Variants in OPCML observed in about 807,000 individuals in gnomAD.
The protein encoded by OPCML is opioid-binding protein/cell adhesion molecule.
OPCML carries 13 observed loss-of-function variants against 37.8 expected under a neutral mutation model. The ratio of observed to expected loss-of-function variants is 0.34; its 90% confidence interval spans 0.22 to 0.55. OPCML has a LOEUF of 0.55. Among genes scored for constraint, OPCML ranks in the 20% least tolerant of loss-of-function variants. OPCML has a pLI of 0.91. For synonymous variants in OPCML, 176 were observed against 168.8 expected (o/e 1.04, Z -0.33); for missense variants, 341 against 435.6 (o/e 0.78, Z 1.93).
At chr11:133,164,859 A>G (rs1403057266) in intron 1 of OPCML, among the ~76,000 whole-genome samples, 1 of 152,142 alleles carries the variant, frequency 6.6e-6, no homozygotes, top group Non-Finnish European at 1.5e-5. Context: ...TTCCAAACCA[A>G]ACTGCATCCT....
intron 3 of OPCML, among the ~76,000 whole-genome samples, chr11:132,589,073 T>C (rs1325485132): frequency 5.9e-5 from 9 of 152,206 alleles, no homozygotes; most frequent in South Asian, 2.1e-4. Context: ...ATAATGTCTA[T>C]GGATCCTTGA....
chr11:133,184,048 G>C (rs781087349), intron 1 of OPCML, among the ~76,000 whole-genome samples: 5 of 152,192 alleles, frequency 3.3e-5, no homozygotes, highest in Non-Finnish European at 7.3e-5. Context: ...ATCTGAGCTT[G>C]ACATTGAAGG....
At chr11:133,526,776 C>T (rs542362040) in intron 1 of OPCML, among the ~76,000 whole-genome samples, 8 of 152,184 alleles carry the variant, frequency 5.3e-5, no homozygotes, top group African/African-American at 1.4e-4. Flanking sequence ...CTGGGTCTCC[C>T]ACCAACAGCA....
intron 2 of OPCML, among the ~76,000 whole-genome samples, chr11:132,871,356 A>G (rs917792130): frequency 3.3e-5 from 5 of 152,240 alleles, no homozygotes; most frequent in African/African-American, 1.2e-4. Context: ...ATAAATATGT[A>G]CAAATACTAT....
At chr11:133,320,229 G>A (rs565651440) in intron 1 of OPCML, among the ~76,000 whole-genome samples, 6 of 152,268 alleles carry the variant, frequency 3.9e-5, no homozygotes, top group East Asian at 1.9e-4. Flanking sequence ...TGAATGAATA[G>A]ACAATCTGTT....
intron 3 of OPCML, among the ~76,000 whole-genome samples, chr11:132,565,499 C>A (rs2096420437): frequency 6.6e-6 from 1 of 152,178 alleles, no homozygotes; most frequent in African/African-American, 2.4e-5. Context: ...CAGATTCCTA[C>A]CTCAGCGGCT....
intron 4 of OPCML, among the ~76,000 whole-genome samples, chr11:132,473,426 C>T (rs529908392): frequency 6.6e-6 from 1 of 152,140 alleles, no homozygotes; most frequent in Non-Finnish European, 1.5e-5. Flanking sequence ...CTAAGGAAAC[C>T]TAACTAGGTC....
chr11:133,225,060 G>GA (rs1939986049), intron 1 of OPCML, among the ~76,000 whole-genome samples: 1 of 152,230 alleles, frequency 6.6e-6, no homozygotes, highest in Non-Finnish European at 1.5e-5. Flanking sequence ...TGGGGGACAT[G>GA]AAGTGCTCTG....
chr11:132,760,746 C>G (rs895522160), intron 2 of OPCML, among the ~76,000 whole-genome samples: 9 of 151,644 alleles, frequency 5.9e-5, no homozygotes, highest in Non-Finnish European at 1.2e-4. Flanking sequence ...GGTCTTGACT[C>G]TATCCAATTT....
At chr11:133,335,526 G>A (rs1943725996) in intron 1 of OPCML, among the ~76,000 whole-genome samples, 1 of 152,012 alleles carries the variant, frequency 6.6e-6, no homozygotes, top group Non-Finnish European at 1.5e-5. Flanking sequence ...GGTGGGCTAT[G>A]ATATTACATA....
chr11:132,827,809 T>TTTTG (rs892310292), intron 2 of OPCML, among the ~76,000 whole-genome samples: 4 of 151,208 alleles, frequency 2.6e-5, no homozygotes, highest in African/African-American at 9.7e-5. Flanking sequence ...CTGGCTGAAT[T>TTTTG]TTTTTTTTGT....
intron 3 of OPCML, among the ~76,000 whole-genome samples, chr11:132,626,570 C>G (rs182355117): frequency 1.1e-3 from 160 of 151,978 alleles, no homozygotes; most frequent in South Asian, 4.2e-3. Flanking sequence ...AAAATGAAAA[C>G]TTAGCTTATC....
chr11:133,222,670 A>C (rs1050015471), intron 1 of OPCML, among the ~76,000 whole-genome samples: 1 of 152,188 alleles, frequency 6.6e-6, no homozygotes, highest in Non-Finnish European at 1.5e-5. Flanking sequence ...TAGCATTATA[A>C]ATTATGTAGC....
chr11:132,448,926 A>G (rs1409507323), intron 4 of OPCML, among the ~76,000 whole-genome samples: 1 of 152,210 alleles, frequency 6.6e-6, no homozygotes, highest in East Asian at 1.9e-4. Flanking sequence ...ATCCATTTTA[A>G]TGTTTTATAA....
intron 1 of OPCML, among the ~76,000 whole-genome samples, chr11:133,131,039 A>T (rs941894048): frequency 6.6e-6 from 1 of 152,084 alleles, no homozygotes; most frequent in African/African-American, 2.4e-5. Context: ...AGGTCATGAG[A>T]GCAAAGGCCT....
At chr11:132,741,898 G>C (rs773201651) in intron 2 of OPCML, among the ~76,000 whole-genome samples, 1 of 151,836 alleles carries the variant, frequency 6.6e-6, no homozygotes, top group African/African-American at 2.4e-5. Flanking sequence ...GCATGGTGGT[G>C]CATGCCTGTA....
At chr11:133,004,418 T>C in intron 1 of OPCML, 1 of 985,488 alleles carries the variant, frequency 1.0e-6, no homozygotes, top group Non-Finnish European at 1.2e-6. Flanking sequence ...ATCTGGCAAT[T>C]GACAGCCAAG....
At chr11:132,567,484 G>A (rs1194150188) in intron 3 of OPCML, among the ~76,000 whole-genome samples, 3 of 152,064 alleles carry the variant, frequency 2.0e-5, no homozygotes, top group Non-Finnish European at 4.4e-5. Flanking sequence ...TATGAAAGTG[G>A]AAAACACAGT....
intron 2 of OPCML, among the ~76,000 whole-genome samples, chr11:132,722,342 G>C (rs1335227608): frequency 6.6e-6 from 1 of 151,900 alleles, no homozygotes; most frequent in East Asian, 1.9e-4. Flanking sequence ...GGGGATGCAG[G>C]CTGGTGAAGA....
Sources: allele counts gnomAD v4.1 joint callset (sites outside exome capture counted in the v4.1 genomes callset), GRCh38; gene constraint gnomAD v4.1.1; transcripts MANE v1.5; gene names NCBI Gene and HGNC (gene_info 2026-07-23, HGNC 2026-07-21).